The following CATSPERT variants were observed in gnomAD, a reference collection of about 807,000 sequenced individuals.
CATSPERT encodes cation channel sperm-associated targeting subunit tau.
At chr2:201,501,395 C>CAAAAAAAA in the CATSPERT span, among the ~76,000 whole-genome samples, 16 of 46,566 alleles carry the variant, frequency 3.4e-4, no homozygotes, top group African/African-American at 5.0e-4. Context: ...AACTCCATCT[C>CAAAAAAAA]AAAAAAAAAA....
the CATSPERT span, among the ~76,000 whole-genome samples, chr2:201,615,123 C>G: frequency 6.6e-6 from 1 of 152,130 alleles, no homozygotes; most frequent in East Asian, 1.9e-4. Context: ...TTTAACACAC[C>G]ACTGTCAACA....
At chr2:201,594,196 T>C in the CATSPERT span, among the ~76,000 whole-genome samples, 9 of 152,234 alleles carry the variant, frequency 5.9e-5, no homozygotes, top group African/African-American at 2.2e-4. Context: ...TCTCTCAGCA[T>C]TTGCTTGTCT....
At chr2:201,619,158 C>T in the CATSPERT span, 1 of 1,610,540 alleles carries the variant, frequency 6.2e-7, no homozygotes, top group Non-Finnish European at 8.5e-7. Context: ...CCTGTCTGCG[C>T]CCAACCGACG....
At chr2:201,586,107 A>AT in the CATSPERT span, among the ~76,000 whole-genome samples, 3 of 152,088 alleles carry the variant, frequency 2.0e-5, no homozygotes, top group Non-Finnish European at 4.4e-5. Flanking sequence ...CTTCCCTATG[A>AT]TTTTTTTAAC....
At chr2:201,490,526 T>C in the CATSPERT span, among the ~76,000 whole-genome samples, 3 of 152,328 alleles carry the variant, frequency 2.0e-5, no homozygotes, top group East Asian at 3.9e-4. Context: ...CTGTGTACTC[T>C]GACTCTCGGC....
At chr2:201,593,336 G>A in the CATSPERT span, among the ~76,000 whole-genome samples, 1 of 151,500 alleles carries the variant, frequency 6.6e-6, no homozygotes, top group South Asian at 2.1e-4. Context: ...ATTGCACTGT[G>A]GTCTGAGAAA....
chr2:201,613,409 G>A, the CATSPERT span, among the ~76,000 whole-genome samples: 1 of 152,202 alleles, frequency 6.6e-6, no homozygotes, highest in Non-Finnish European at 1.5e-5. Flanking sequence ...TTGCTGTTCT[G>A]CAGCCTCCAC....
chr2:201,610,096 T>C, the CATSPERT span, among the ~76,000 whole-genome samples: 1 of 152,110 alleles, frequency 6.6e-6, no homozygotes, highest in African/African-American at 2.4e-5. Context: ...GTGACCAATA[T>C]TGACTTAGGA....
chr2:201,579,200 T>C, the CATSPERT span, among the ~76,000 whole-genome samples: 1 of 152,152 alleles, frequency 6.6e-6, no homozygotes, highest in Non-Finnish European at 1.5e-5. Context: ...TAAATATTTA[T>C]TAAATTTTCC....
the CATSPERT span, among the ~76,000 whole-genome samples, chr2:201,558,787 C>T: frequency 6.6e-6 from 1 of 152,144 alleles, no homozygotes; most frequent in South Asian, 2.1e-4. Context: ...CATCTTGAAG[C>T]GCACCCTCCT....
chr2:201,493,341 A>G, the CATSPERT span: 2 of 1,536,782 alleles, frequency 1.3e-6, no homozygotes, highest in Non-Finnish European at 1.7e-6. Flanking sequence ...TACTAACAGA[A>G]GTAGTGTCTT....
At chr2:201,616,215 A>G in the CATSPERT span, among the ~76,000 whole-genome samples, 4 of 152,236 alleles carry the variant, frequency 2.6e-5, no homozygotes, top group African/African-American at 7.2e-5. Context: ...TATGAGGCCA[A>G]CATCATTCTG....
the CATSPERT span, among the ~76,000 whole-genome samples, chr2:201,604,859 TTAG>T: frequency 6.6e-6 from 1 of 152,046 alleles, no homozygotes; most frequent in African/African-American, 2.4e-5. Context: ...CAATAAGAAG[TTAG>T]TAGAGAAATA....
the CATSPERT span, chr2:201,572,101 C>T: frequency 1.0e-6 from 1 of 1,003,720 alleles, no homozygotes; most frequent in South Asian, 1.4e-5. Context: ...CATATTGATA[C>T]CATAATGCTA....
At chr2:201,496,929 T>C in the CATSPERT span, among the ~76,000 whole-genome samples, 1 of 152,104 alleles carries the variant, frequency 6.6e-6, no homozygotes, top group South Asian at 2.1e-4. Context: ...CAGATAGCAG[T>C]GAGGGAGAAT....
the CATSPERT span, among the ~76,000 whole-genome samples, chr2:201,588,568 A>G: frequency 6.0e-5 from 9 of 148,772 alleles, no homozygotes; most frequent in East Asian, 4.1e-4. Context: ...CACAGCCAAC[A>G]TCACACTGAA....
the CATSPERT span, among the ~76,000 whole-genome samples, chr2:201,518,507 T>C: frequency 6.6e-6 from 1 of 152,094 alleles, no homozygotes; most frequent in African/African-American, 2.4e-5. Flanking sequence ...CACCCACTGG[T>C]GGAAAATGGT....
the CATSPERT span, among the ~76,000 whole-genome samples, chr2:201,564,816 C>G: frequency 6.6e-6 from 1 of 152,080 alleles, no homozygotes; most frequent in Admixed American, 6.6e-5. Context: ...AAATAAAAGT[C>G]TATTGTTCAA....
the CATSPERT span, among the ~76,000 whole-genome samples, chr2:201,581,504 AT>A: frequency 1.7e-4 from 17 of 101,590 alleles, 2 homozygotes; most frequent in Admixed American, 5.2e-4. Context: ...ATATATATAT[AT>A]ATATATATAT....
Sources: gnomAD v4.1 joint callset for allele counts (sites outside exome capture counted in the v4.1 genomes callset) on GRCh38, gnomAD v4.1.1 for gene constraint, MANE v1.5 for transcripts, NCBI Gene and HGNC (gene_info 2026-07-23, HGNC 2026-07-21) for gene names.